Variants in CYP20A1 observed in about 807,000 individuals in gnomAD.
CYP20A1 encodes the protein cytochrome P450 20A1.
A neutral mutation model predicts 61.4 loss-of-function variants in CYP20A1; 61 were observed. That is an observed-to-expected ratio of 0.99 (90% confidence interval 0.81 to 1.23). CYP20A1 has a LOEUF of 1.23. Ranked by LOEUF, CYP20A1 falls within the 50% of genes most tolerant of loss-of-function variation. CYP20A1 has a pLI of 0.00. For missense variants in CYP20A1, 530 were observed against 542.4 expected (o/e 0.98, Z 0.23); for synonymous variants, 193 against 188.2 (o/e 1.03, Z -0.21).
intron 5 of CYP20A1, 119 bp from the exon 6 acceptor site, chr2:203,272,550 CA>C (rs368688435): frequency 0.031 from 4,108 of 131,506 alleles, no homozygotes; most frequent in South Asian, 0.074. Context: ...AACCCTGACT[CA>C]AAAAAAAAAA....
intron 2 of CYP20A1, 125 bp downstream of exon 2, chr2:203,246,020 C>G (rs1171914818): frequency 3.1e-6 from 2 of 641,820 alleles, no homozygotes; most frequent in East Asian, 3.0e-5. Flanking sequence ...GGTGGAAGAT[C>G]GCTTGAGGCC....
intron 4 of CYP20A1, among the ~76,000 whole-genome samples, chr2:203,265,467 T>G (rs1458214711): frequency 6.6e-6 from 1 of 152,220 alleles, no homozygotes; most frequent in Admixed American, 6.5e-5. Context: ...CTTTATACTT[T>G]GATTTTGTAC....
At chr2:203,272,565 A>AAG in intron 5 of CYP20A1, 105 bp from the exon 6 acceptor site, 1 of 554,832 alleles carries the variant, frequency 1.8e-6, no homozygotes, top group Non-Finnish European at 2.8e-6. Context: ...AAAAAAAAAA[A>AAG]AAAAAAGAGT....
chr2:203,249,832 G>A (rs775049493), intron 3 of CYP20A1, among the ~76,000 whole-genome samples: 4 of 152,048 alleles, frequency 2.6e-5, no homozygotes, highest in Non-Finnish European at 4.4e-5. Context: ...ATGACAGATC[G>A]AGACTCCATC....
chr2:203,297,165 A>G lies in CYP20A1; in HGVS notation c.*257A>G, dbSNP rs75631115. ...TTTTATTTTTGTTTTTTCACTTTCT[A>G]TGCCATTATTTTTGTATTCTTTTTC... is the stretch of plus-strand genomic sequence containing the variant. On this transcript the variant is annotated 3_prime_UTR_variant, in exon 13 of 13. Transcript: ENST00000356079. 6,197 of 235,482 alleles carry G rather than the reference A, an allele frequency of 0.026. 371 individuals are homozygous for G. The highest frequency in any genetic ancestry group is 0.13 in the African/African-American group (5,658 of 43,902). The allele number at this position is 235,482 out of a possible 1,614,324, so 14.6% of individuals were successfully genotyped here. A position where few individuals can be genotyped will look rare whatever the true frequency, so the allele number is the denominator to read the frequency against.
At position 203,261,199 on chromosome 2, in the gene CYP20A1, C is replaced by T. The variant is rs374124698; in HGVS notation, c.433-5315C>T. Among the ~76,000 whole-genome samples the T allele has an allele frequency of 2.0e-5, 3 of 151,090 alleles. 1 individual carries two copies. The South Asian group carries it at 6.3e-4, about 32-fold the overall frequency. On this transcript the variant is annotated intron_variant, in intron 4 of 12. Transcript: ENST00000356079. ...GCCTGGGCAACATAGTGAGACCCCA[C>T]CTCTACAAAAATAAAAAAAAATAAA...
At chr2:203,268,924 A>G (rs1487940576) in intron 5 of CYP20A1, among the ~76,000 whole-genome samples, 1 of 152,196 alleles carries the variant, frequency 6.6e-6, no homozygotes, top group African/African-American at 2.4e-5. Flanking sequence ...CGACTGCATC[A>G]TGACTGCTAC....
intron 9 of CYP20A1, 22 bp from the exon 10 acceptor site, chr2:203,289,742 CA>C (rs948000671): frequency 4.1e-5 from 60 of 1,460,250 alleles, no homozygotes; most frequent in Middle Eastern, 1.8e-4. Context: ...TAAACATCTT[CA>C]AAAAAAATTT....
chr2:203,300,024 A>G lies in CYP20A1; in HGVS notation c.*3116A>G, dbSNP rs926239004. On this transcript the variant is annotated 3_prime_UTR_variant, in exon 13 of 13. Transcript: ENST00000356079. ...CTGGCGGTAGAAGGTTAGAGTAGCC[A>G]ATTGATATGTAAACCAAGTGTCAGA... 1.3e-5 allele frequency among the ~76,000 whole-genome samples: 2 copies of G among 152,232 alleles called. No homozygotes were observed. Among genetic ancestry groups the G allele is most frequent in the African/African-American group, 2.4e-5 (1 of 41,470 alleles).
chr2:203,284,431 A>T (rs1351420903), intron 8 of CYP20A1, among the ~76,000 whole-genome samples: 1 of 152,104 alleles, frequency 6.6e-6, no homozygotes, highest in Non-Finnish European at 1.5e-5. Flanking sequence ...AGGAAATATA[A>T]CTACTCTTTT....
intron 11 of CYP20A1, among the ~76,000 whole-genome samples, chr2:203,293,028 G>T (rs953374917): frequency 4.6e-5 from 7 of 151,196 alleles, no homozygotes; most frequent in Non-Finnish European, 8.8e-5. Context: ...ACAAAAATTA[G>T]CTGGGCATGG....
chr2:203,269,991 C>T (rs1176564721), intron 5 of CYP20A1, among the ~76,000 whole-genome samples: 2 of 152,040 alleles, frequency 1.3e-5, no homozygotes, highest in Non-Finnish European at 2.9e-5. Flanking sequence ...GTGGTTCACC[C>T]CTATAATCCT....
chr2:203,264,407 A>G (rs1012157903), intron 4 of CYP20A1, among the ~76,000 whole-genome samples: 9 of 152,098 alleles, frequency 5.9e-5, no homozygotes, highest in African/African-American at 2.2e-4. Flanking sequence ...CTTTATCTCT[A>G]GTAATATTTC....
At chr2:203,281,672 A>G (rs998270160) in intron 8 of CYP20A1, among the ~76,000 whole-genome samples, 1 of 152,058 alleles carries the variant, frequency 6.6e-6, no homozygotes, top group Non-Finnish European at 1.5e-5. Flanking sequence ...GTGGGGGCAC[A>G]TGCCTGTAAT....
intron 11 of CYP20A1, among the ~76,000 whole-genome samples, chr2:203,293,973 T>A (rs988994721): frequency 5.0e-5 from 7 of 141,210 alleles, no homozygotes; most frequent in Non-Finnish European, 1.0e-4. Flanking sequence ...CTGACTTTAT[T>A]TTTTATTTTT....
intron 4 of CYP20A1, among the ~76,000 whole-genome samples, chr2:203,265,673 C>A (rs1043930733): frequency 5.9e-5 from 9 of 152,012 alleles, no homozygotes; most frequent in Non-Finnish European, 1.2e-4. Context: ...ATTACATCTA[C>A]AAATGTTTTT....
chr2:203,266,662 T>A lies in CYP20A1; in HGVS notation c.581T>A (p.Phe194Tyr). The stretch of plus-strand genomic sequence containing the variant: ...GAAGATGATCAGGAAGTCATTCGCT[T>A]CCAGAAGAATCATGGCACAGTAAGT... ...TFEDDQEVIR[F>Y]QKNHGTVWSE... The change falls in exon 5 of 13, where the codon TTC (phenylalanine) becomes TAC (tyrosine). Residue 194 changes from phenylalanine to tyrosine, a missense_variant. Coordinates refer to ENST00000356079, the MANE Select transcript of CYP20A1 (RefSeq NM_177538.3). 1 of 1,614,006 alleles carries A rather than the reference T, an allele frequency of 6.2e-7. No homozygotes were observed.
intron 9 of CYP20A1, among the ~76,000 whole-genome samples, 180 bp from the exon 10 acceptor site, chr2:203,289,585 A>G (rs994612082): frequency 6.6e-6 from 1 of 151,840 alleles, no homozygotes; most frequent in African/African-American, 2.4e-5. Flanking sequence ...AAAATTTATA[A>G]AATTGTTAAT....
chr2:203,288,480 C>T (rs900220035), intron 9 of CYP20A1, among the ~76,000 whole-genome samples: 2 of 152,012 alleles, frequency 1.3e-5, no homozygotes, highest in Admixed American at 6.6e-5. Flanking sequence ...ATTGTTCATC[C>T]TTTATGTCCT....
Sources: gnomAD v4.1 joint callset for allele counts (sites outside exome capture counted in the v4.1 genomes callset) on GRCh38, gnomAD v4.1.1 for gene constraint, MANE v1.5 for transcripts, NCBI Gene and HGNC (gene_info 2026-07-23, HGNC 2026-07-21) for gene names.